PTK2B: variants seen among roughly 807,000 people sequenced by gnomAD.
The protein encoded by PTK2B is protein-tyrosine kinase 2-beta.
Under a neutral mutation model 142.9 loss-of-function variants are expected in PTK2B, and 71 were observed. That is an observed-to-expected ratio of 0.50 (90% confidence interval 0.41 to 0.61). The LOEUF is 0.61. Ranked by LOEUF, PTK2B falls within the 20% of genes least tolerant of loss-of-function variation. The probability of loss-of-function intolerance (pLI) is 0.00; values close to 1 mark genes in which losing one functional copy is unlikely to be tolerated. For missense variants in PTK2B, 1,105 were observed against 1,320.4 expected, an observed-to-expected ratio of 0.84 and a Z score of 2.53; for synonymous variants, 519 against 503.4, an observed-to-expected ratio of 1.03 and a Z score of -0.42.
intron 1 of PTK2B, among the ~76,000 whole-genome samples, chr8:27,332,941 T>G (rs1455282951): frequency 2.0e-5 from 3 of 152,132 alleles, no homozygotes; most frequent in Non-Finnish European, 4.4e-5. Context: ...AGGCAATACA[T>G]GAAGATAAAG....
intron 1 of PTK2B, among the ~76,000 whole-genome samples, chr8:27,370,359 C>A (rs1325057090): frequency 6.6e-6 from 1 of 152,166 alleles, no homozygotes. Flanking sequence ...CATTAAGGAG[C>A]AAATGAAGAG....
chr8:27,418,471 CT>C (rs1809539074), intron 2 of PTK2B, among the ~76,000 whole-genome samples: 1 of 152,168 alleles, frequency 6.6e-6, no homozygotes, highest in Non-Finnish European at 1.5e-5. Flanking sequence ...AAATTAGAAA[CT>C]GTCTTGGGAG....
Position 27,439,148 on chromosome 8 carries a change from G to A in PTK2B, c.1744+17G>A. The A allele has an allele frequency of 6.2e-7, 1 of 1,608,650 alleles. No homozygotes were observed. Among genetic ancestry groups the A allele is most frequent in the Non-Finnish European group, 8.5e-7 (1 of 1,175,006 alleles). On this transcript the variant is annotated intron_variant, in intron 19 of 30. Transcript: ENST00000346049. ...ATTACAAAGGTGAGGGGGCTTCCCA[G>A]CCTCTGCATTGGCCTTGGAGGGGTC...
chr8:27,348,671 C>T (rs1804860196), intron 1 of PTK2B, among the ~76,000 whole-genome samples: 1 of 152,060 alleles, frequency 6.6e-6, no homozygotes, highest in Non-Finnish European at 1.5e-5. Context: ...CATCCGGGGG[C>T]CCAAATTGGT....
At chr8:27,393,808 A>G (rs13260543) in intron 1 of PTK2B, among the ~76,000 whole-genome samples, 63,445 of 151,664 alleles carry the variant, frequency 0.42, 13,707 homozygotes, top group South Asian at 0.51. Flanking sequence ...AGAGTGGCGC[A>G]TTTGTCACAG....
chr8:27,408,003 T>C (rs1808827617), intron 2 of PTK2B, among the ~76,000 whole-genome samples: 2 of 152,212 alleles, frequency 1.3e-5, no homozygotes, highest in African/African-American at 4.8e-5. Flanking sequence ...CATTTAAATC[T>C]TTACTGTAAT....
chr8:27,378,661 A>C (rs2131057496), intron 1 of PTK2B, among the ~76,000 whole-genome samples: 3 of 147,842 alleles, frequency 2.0e-5, no homozygotes, highest in Non-Finnish European at 4.5e-5. Context: ...ACACAAGGCA[A>C]TCAGAATATT....
chr8:27,403,054 C>A (rs771198626), intron 2 of PTK2B, among the ~76,000 whole-genome samples: 1 of 152,148 alleles, frequency 6.6e-6, no homozygotes, highest in Non-Finnish European at 1.5e-5. Flanking sequence ...TGTCTGGGAC[C>A]CTCTTGGAGC....
chr8:27,458,701 A>T lies in PTK2B; in HGVS notation c.*192A>T. ...CTCAGGCTGCAGCTGGACAGAGGGG[A>T]CTCTGGGCTATGGACACAGGGTGAC... On this transcript the variant is annotated 3_prime_UTR_variant, in exon 31 of 31. Transcript: ENST00000346049. The T allele has an allele frequency of 1.6e-6, 1 of 620,772 alleles. No homozygotes were observed. The highest frequency in any genetic ancestry group is 2.8e-6 in the Non-Finnish European group (1 of 356,166). The allele number at this position is 620,772 out of a possible 1,614,324, so 38.5% of individuals were successfully genotyped here.
At chr8:27,418,751 G>T (rs116775307) in intron 2 of PTK2B, among the ~76,000 whole-genome samples, 3,113 of 152,168 alleles carry the variant, frequency 0.02, 44 homozygotes, top group Middle Eastern at 0.048. Context: ...CCAAAGTCCG[G>T]GCGCGGTGGC....
chr8:27,437,731 CA>C, intron 17 of PTK2B, 33 bp from the exon 18 acceptor site: 3 of 1,579,436 alleles, frequency 1.9e-6, no homozygotes, highest in Non-Finnish European at 2.6e-6. Flanking sequence ...TGGGACCAAC[CA>C]GGGGTCTTGA....
chr8:27,433,136 A>G (rs1217939810), intron 10 of PTK2B, among the ~76,000 whole-genome samples: 1 of 151,988 alleles, frequency 6.6e-6, no homozygotes, highest in Non-Finnish European at 1.5e-5. Flanking sequence ...CCCCTCTTCC[A>G]TTTTCTCAGT....
chr8:27,446,605 T>C (rs946449124), intron 24 of PTK2B, among the ~76,000 whole-genome samples: 2 of 152,184 alleles, frequency 1.3e-5, no homozygotes, highest in Admixed American at 6.5e-5. Context: ...CCTTCTTCCA[T>C]ACAAATGGCC....
chr8:27,451,122 G>A (rs767506862), intron 26 of PTK2B, 44 bp downstream of exon 26: 49 of 1,591,540 alleles, frequency 3.1e-5, no homozygotes, highest in Non-Finnish European at 6.0e-6. Flanking sequence ...CAAGGCCTGG[G>A]AAGGCCTCGC....
At position 27,334,361 on chromosome 8, in the gene PTK2B, G is replaced by A. The variant is rs544619413; in HGVS notation, c.-38+8680G>A. Reference sequence around the variant, plus strand: ...CCATACCCAAATGAAGCCCCAGCCAGCCTGGTGTGCTCCCCAGTCTCTGGC... The same window carrying A: ...CCATACCCAAATGAAGCCCCAGCCAACCTGGTGTGCTCCCCAGTCTCTGGC... On this transcript the variant is annotated intron_variant, in intron 1 of 30. Transcript: ENST00000346049. Among the ~76,000 whole-genome samples the A allele has an allele frequency of 1.9e-4, 29 of 152,244 alleles. No homozygotes were observed. The South Asian group carries it at 5.4e-3, about 28-fold the overall frequency.
chr8:27,351,832 T>C (rs965886625), intron 1 of PTK2B, among the ~76,000 whole-genome samples: 1 of 152,206 alleles, frequency 6.6e-6, no homozygotes, highest in Admixed American at 6.5e-5. Flanking sequence ...TGAAGGGCAA[T>C]GTGAAAATGG....
Position 27,446,695 on chromosome 8 carries a change from G to T in PTK2B, c.2340+776G>T, listed in dbSNP as rs546396392. ...ACTTATTTTAGCTCTAACTCTGCATGCATGCACAATATTTCAGGCTCACTA... is the reference window on the plus strand; with the variant it reads ...ACTTATTTTAGCTCTAACTCTGCATTCATGCACAATATTTCAGGCTCACTA... On this transcript the variant is annotated intron_variant, in intron 24 of 30. Transcript: ENST00000346049. Among the ~76,000 whole-genome samples, 8 of 152,192 alleles carry T rather than the reference G, an allele frequency of 5.3e-5. No individual in the cohort carries two copies. In the South Asian group the frequency reaches 1.5e-3, roughly 28 times the overall value.
At chr8:27,365,066 C>T (rs916249636) in intron 1 of PTK2B, among the ~76,000 whole-genome samples, 11 of 152,222 alleles carry the variant, frequency 7.2e-5, no homozygotes, top group South Asian at 6.2e-4. Flanking sequence ...TTTCAACCCA[C>T]GTCTTCTTGT....
At chr8:27,440,915 G>A (rs1031679396) in intron 21 of PTK2B, among the ~76,000 whole-genome samples, 10 of 152,148 alleles carry the variant, frequency 6.6e-5, no homozygotes, top group African/African-American at 2.2e-4. Flanking sequence ...AGGGCCCGTC[G>A]GTGCCCAGGA....
Sources: allele counts gnomAD v4.1 joint callset (sites outside exome capture counted in the v4.1 genomes callset), GRCh38; gene constraint gnomAD v4.1.1; transcripts MANE v1.5; gene names NCBI Gene and HGNC (gene_info 2026-07-23, HGNC 2026-07-21).